CACNA2D3: variants seen among roughly 807,000 people sequenced by gnomAD.
CACNA2D3 encodes the protein voltage-dependent calcium channel subunit alpha-2/delta-3.
In CACNA2D3, 60 loss-of-function variants were observed where a neutral mutation model predicts 160.6. That is an observed-to-expected ratio of 0.37 (90% CI 0.30 to 0.46). The LOEUF (loss-of-function observed/expected upper bound fraction) is 0.46, where lower values mean the gene tolerates loss of function less well. CACNA2D3 is among the 20% of genes least tolerant of loss of function. The pLI, the probability that CACNA2D3 is intolerant of heterozygous loss-of-function variation, is 1.00. For synonymous variants in CACNA2D3, 558 were observed against 492.9 expected, an observed-to-expected ratio of 1.13 and a Z score of -1.75; for missense variants, 1,205 against 1,365.0, an observed-to-expected ratio of 0.88 and a Z score of 1.85.
intron 12 of CACNA2D3, among the ~76,000 whole-genome samples, chr3:54,755,450 G>T (rs909818737): frequency 2.0e-5 from 3 of 152,122 alleles, no homozygotes; most frequent in African/African-American, 7.2e-5. Flanking sequence ...TTTAAGCAAG[G>T]CTCAATTTCC....
intron 2 of CACNA2D3, among the ~76,000 whole-genome samples, chr3:54,276,986 A>C (rs1436813469): frequency 6.6e-6 from 1 of 152,148 alleles, no homozygotes; most frequent in Admixed American, 6.5e-5. Context: ...CTTGTTGTAC[A>C]TCTCCAGTTT....
At chr3:54,652,168 T>G (rs1699779778) in intron 11 of CACNA2D3, among the ~76,000 whole-genome samples, 1 of 151,874 alleles carries the variant, frequency 6.6e-6, no homozygotes, top group African/African-American at 2.4e-5. Flanking sequence ...ACTCTGGCTG[T>G]CTGTATTCTT....
chr3:54,217,175 C>A (rs61230579), intron 2 of CACNA2D3, among the ~76,000 whole-genome samples: 6 of 152,118 alleles, frequency 3.9e-5, no homozygotes, highest in Non-Finnish European at 7.3e-5. Flanking sequence ...GAGTGTGTTT[C>A]TGGTGCGATG....
intron 17 of CACNA2D3, among the ~76,000 whole-genome samples, chr3:54,862,403 A>ACG (rs1241172152): frequency 1.1e-3 from 171 of 151,340 alleles, no homozygotes; most frequent in African/African-American, 4.0e-3. Context: ...ACACACACAC[A>ACG]CGCACACACA....
intron 2 of CACNA2D3, among the ~76,000 whole-genome samples, chr3:54,297,897 C>A (rs1435511837): frequency 1.3e-5 from 2 of 152,100 alleles, no homozygotes; most frequent in African/African-American, 4.8e-5. Flanking sequence ...AAATTGTGGT[C>A]CATGGACCAC....
At chr3:54,141,656 A>G (rs1699937925) in intron 2 of CACNA2D3, among the ~76,000 whole-genome samples, 1 of 152,252 alleles carries the variant, frequency 6.6e-6, no homozygotes, top group Non-Finnish European at 1.5e-5. Context: ...CTTCTTGTGT[A>G]GCAGCTTTTA....
In CACNA2D3 at chr3:54,122,702, A is replaced by C. The variant is rs1699498600; in HGVS notation, c.-12A>C. 1 of 1,161,318 alleles carries C rather than the reference A, an allele frequency of 8.6e-7. No homozygotes were observed. Among genetic ancestry groups the C allele is most frequent in the South Asian group, 4.2e-5 (1 of 23,708 alleles). 71.9% of individuals were successfully genotyped at this position (1,161,318 alleles called of 1,614,324 possible). On this transcript the variant is annotated 5_prime_UTR_variant, in exon 1 of 38. Coordinates refer to ENST00000474759, the MANE Select transcript of CACNA2D3 (RefSeq NM_018398.3). ...GTCGCCGCCGCAGCGGGCGCGTCGG[A>C]GGGAGCCCAGCATGGCCGGGCCGGG...
chr3:54,785,628 T>G (rs78160723), intron 13 of CACNA2D3, among the ~76,000 whole-genome samples: 3,045 of 152,214 alleles, frequency 0.02, 99 homozygotes, highest in African/African-American at 0.069. Context: ...GTAGGGAAAT[T>G]GAGAAGCCAA....
At chr3:54,469,565 GGA>G (rs1700691757) in intron 4 of CACNA2D3, among the ~76,000 whole-genome samples, 1 of 152,094 alleles carries the variant, frequency 6.6e-6, no homozygotes, top group Non-Finnish European at 1.5e-5. Context: ...GAACAAAACT[GGA>G]TGGAGAATGA....
At chr3:54,591,274 A>G (rs757924233) in intron 9 of CACNA2D3, among the ~76,000 whole-genome samples, 1 of 152,182 alleles carries the variant, frequency 6.6e-6, no homozygotes, top group Non-Finnish European at 1.5e-5. Flanking sequence ...CTCCCCAGCT[A>G]TCTCCTCTAG....
chr3:54,529,314 A>C (rs551186701), intron 5 of CACNA2D3, among the ~76,000 whole-genome samples: 1 of 152,190 alleles, frequency 6.6e-6, no homozygotes, highest in African/African-American at 2.4e-5. Context: ...TGCCCTGCCA[A>C]ATAGAGGCAA....
At chr3:54,310,060 C>T (rs949773287) in intron 2 of CACNA2D3, among the ~76,000 whole-genome samples, 5 of 152,020 alleles carry the variant, frequency 3.3e-5, no homozygotes, top group African/African-American at 1.2e-4. Flanking sequence ...GGATTGTCCT[C>T]AAACTTCACT....
At chr3:54,943,380 A>C (rs1701526701) in intron 27 of CACNA2D3, among the ~76,000 whole-genome samples, 1 of 152,100 alleles carries the variant, frequency 6.6e-6, no homozygotes. Context: ...AATTTTAGAC[A>C]TGTGTATTTA....
intron 18 of CACNA2D3, 65 bp from the exon 19 acceptor site, chr3:54,878,953 G>T: frequency 1.0e-6 from 1 of 996,646 alleles, no homozygotes; most frequent in South Asian, 1.6e-5. Flanking sequence ...CGCTGAGGAT[G>T]CAAGATGTCC....
intron 5 of CACNA2D3, among the ~76,000 whole-genome samples, chr3:54,536,918 G>T (rs551442020): frequency 6.6e-6 from 1 of 152,190 alleles, no homozygotes; most frequent in Non-Finnish European, 1.5e-5. Context: ...CTTGTGAAAG[G>T]TGGCTGTCTC....
chr3:54,436,215 A>G (rs779952012), intron 4 of CACNA2D3, among the ~76,000 whole-genome samples: 6 of 152,256 alleles, frequency 3.9e-5, no homozygotes, highest in Non-Finnish European at 7.3e-5. Context: ...ATGCAAATCA[A>G]AACCACAATG....
intron 4 of CACNA2D3, among the ~76,000 whole-genome samples, chr3:54,447,563 G>A (rs1459193459): frequency 6.6e-6 from 1 of 152,238 alleles, no homozygotes; most frequent in Non-Finnish European, 1.5e-5. Context: ...GCCAGGCAGA[G>A]CTTTTGTTTA....
intron 6 of CACNA2D3, among the ~76,000 whole-genome samples, chr3:54,563,963 G>C (rs1702368156): frequency 6.6e-6 from 1 of 152,160 alleles, no homozygotes; most frequent in Non-Finnish European, 1.5e-5. Flanking sequence ...TCCTCCCGGA[G>C]CTCACAGAAA....
chr3:54,416,281 T>C (rs1233537496), intron 4 of CACNA2D3, among the ~76,000 whole-genome samples: 1 of 152,232 alleles, frequency 6.6e-6, no homozygotes, highest in Admixed American at 6.5e-5. Context: ...TGCAGTGGAT[T>C]GGCAGCTACC....
Sources: gnomAD v4.1 joint callset for allele counts (sites outside exome capture counted in the v4.1 genomes callset) on GRCh38, gnomAD v4.1.1 for gene constraint, MANE v1.5 for transcripts, NCBI Gene and HGNC (gene_info 2026-07-23, HGNC 2026-07-21) for gene names.